CHRM3: variants seen among roughly 807,000 people sequenced by gnomAD.
The protein encoded by CHRM3 is cholinergic receptor muscarinic 3, also known as muscarinic acetylcholine receptor M3.
A neutral mutation model predicts 41.8 loss-of-function variants in CHRM3; 11 were observed. The observed-to-expected ratio is 0.26, with a 90% CI of 0.17 to 0.44. The LOEUF (loss-of-function observed/expected upper bound fraction) is 0.44, where lower values mean the gene tolerates loss of function less well. Among genes scored for constraint, CHRM3 ranks in the 20% least tolerant of loss-of-function variants. CHRM3 has a pLI of 1.00. For synonymous variants in CHRM3, 297 were observed against 301.4 expected, an observed-to-expected ratio of 0.99 and a Z score of 0.15; for missense variants, 571 against 745.4, an observed-to-expected ratio of 0.77 and a Z score of 2.72.
intron 4 of CHRM3, among the ~76,000 whole-genome samples, chr1:239,637,802 C>A (rs1670647306): frequency 6.7e-6 from 1 of 148,254 alleles, no homozygotes; most frequent in African/African-American, 2.5e-5. Flanking sequence ...TTTTAGGGTA[C>A]ATGTGCACAA....
intron 4 of CHRM3, among the ~76,000 whole-genome samples, chr1:239,659,774 T>C (rs1316323079): frequency 5.3e-5 from 8 of 152,182 alleles, no homozygotes; most frequent in Admixed American, 2.0e-4. Context: ...CATTCCAACA[T>C]GTATAGAGGA....
rs1164087434 is a variant in CHRM3, at chr1:239,912,117, A to G, written c.*2893A>G. On this transcript the variant is annotated 3_prime_UTR_variant, in exon 7 of 7. Coordinates refer to ENST00000676153, the MANE Select transcript of CHRM3 (RefSeq NM_001375978.1). ...TGATCAAACCTAAAATAAACTACAC[A>G]TGGAGAATCTCTCTCTCTCTCTCTG... is the stretch of plus-strand genomic sequence containing the variant. 1 of 167,012 alleles carries G rather than the reference A, an allele frequency of 6.0e-6. No individual in the cohort carries two copies. Among genetic ancestry groups the G allele is most frequent in the Non-Finnish European group, 1.5e-5 (1 of 68,118 alleles). The allele number at this position is 167,012 out of a possible 1,614,324, so 10.3% of individuals were successfully genotyped here.
chr1:239,820,165 A>C (rs1237909397), intron 5 of CHRM3, among the ~76,000 whole-genome samples: 1 of 152,214 alleles, frequency 6.6e-6, no homozygotes, highest in African/African-American at 2.4e-5. Flanking sequence ...ATGGGAAAAA[A>C]GTCTTTATAC....
At chr1:239,813,928 A>AAAAAAAAAAAAAAAC (rs1558146322) in intron 5 of CHRM3, among the ~76,000 whole-genome samples, 2 of 147,204 alleles carry the variant, frequency 1.4e-5, no homozygotes, top group African/African-American at 5.4e-5. Context: ...AAAAAAAAAA[A>AAAAAAAAAAAAAAAC]AAAAAACTCA....
At chr1:239,500,690 G>A (rs1157528017) in intron 2 of CHRM3, among the ~76,000 whole-genome samples, 12 of 148,694 alleles carry the variant, frequency 8.1e-5, no homozygotes, top group Admixed American at 2.0e-4. Context: ...AAAAATACAT[G>A]TTAAAAAGAA....
intron 2 of CHRM3, among the ~76,000 whole-genome samples, chr1:239,498,718 T>C (rs1668036289): frequency 6.6e-6 from 1 of 152,202 alleles, no homozygotes; most frequent in African/African-American, 2.4e-5. Flanking sequence ...TGATATACTT[T>C]TGTGTGTAAA....
At chr1:239,797,363 C>A (rs1235390286) in intron 5 of CHRM3, among the ~76,000 whole-genome samples, 1 of 150,548 alleles carries the variant, frequency 6.6e-6, no homozygotes, top group East Asian at 1.9e-4. Context: ...AAATGAAAAT[C>A]TCTATAATAC....
intron 1 of CHRM3, among the ~76,000 whole-genome samples, chr1:239,397,436 G>A (rs1386720789): frequency 6.6e-6 from 1 of 152,010 alleles, no homozygotes; most frequent in East Asian, 1.9e-4. Flanking sequence ...ACTTTGGGAG[G>A]TCGAGATGGG....
intron 3 of CHRM3, among the ~76,000 whole-genome samples, chr1:239,593,298 A>C (rs374886920): frequency 6.6e-6 from 1 of 151,930 alleles, no homozygotes; most frequent in African/African-American, 2.4e-5. Context: ...TTTTTTCCTC[A>C]TCAGACACTG....
intron 4 of CHRM3, among the ~76,000 whole-genome samples, chr1:239,671,628 G>A (rs965132810): frequency 2.0e-5 from 3 of 151,876 alleles, no homozygotes; most frequent in Non-Finnish European, 4.4e-5. Flanking sequence ...CCACAGTTAT[G>A]CACTGCCTGT....
chr1:239,660,848 T>G (rs1673132818), intron 4 of CHRM3, among the ~76,000 whole-genome samples: 3 of 152,276 alleles, frequency 2.0e-5, no homozygotes, highest in Middle Eastern at 3.4e-3. Flanking sequence ...GCCACCACAC[T>G]CCAGCCTGGG....
chr1:239,404,742 A>ATATATATATATATATATATATATG (rs1660456979), intron 1 of CHRM3, among the ~76,000 whole-genome samples: 3 of 144,172 alleles, frequency 2.1e-5, no homozygotes, highest in African/African-American at 7.5e-5. Context: ...ATATATATAT[A>ATATATATATATATATATATATATG]TATATATATA....
intron 6 of CHRM3, among the ~76,000 whole-genome samples, chr1:239,904,032 T>C (rs998430202): frequency 6.6e-6 from 1 of 152,098 alleles, no homozygotes; most frequent in African/African-American, 2.4e-5. Context: ...CAAATATGAA[T>C]ATAGCATCGG....
chr1:239,792,707 T>C (rs1669449972), intron 5 of CHRM3, among the ~76,000 whole-genome samples: 1 of 152,198 alleles, frequency 6.6e-6, no homozygotes, highest in Non-Finnish European at 1.5e-5. Context: ...TTTAAATTGG[T>C]AAAGTTCAGA....
intron 5 of CHRM3, among the ~76,000 whole-genome samples, chr1:239,780,616 A>G (rs1459830498): frequency 6.6e-6 from 1 of 152,180 alleles, no homozygotes; most frequent in Non-Finnish European, 1.5e-5. Flanking sequence ...CATTTTAATG[A>G]AGTCCCGCTT....
intron 1 of CHRM3, among the ~76,000 whole-genome samples, chr1:239,473,853 G>C (rs1666296138): frequency 6.7e-6 from 1 of 149,012 alleles, no homozygotes; most frequent in Non-Finnish European, 1.5e-5. Context: ...TGTATACACA[G>C]AGTTGTAGTA....
At chr1:239,743,921 G>T (rs1288474906) in intron 5 of CHRM3, among the ~76,000 whole-genome samples, 1 of 145,152 alleles carries the variant, frequency 6.9e-6, no homozygotes, top group East Asian at 2.1e-4. Context: ...CTTCCAAACA[G>T]CTAGGACGGA....
At chr1:239,403,976 G>GAGAGAGA (rs1660203316) in intron 1 of CHRM3, among the ~76,000 whole-genome samples, 8 of 46,506 alleles carry the variant, frequency 1.7e-4, no homozygotes, top group African/African-American at 6.5e-4. Flanking sequence ...AGAGGGAGGG[G>GAGAGAGA]GAGAGAGAGA....
intron 5 of CHRM3, among the ~76,000 whole-genome samples, chr1:239,711,404 G>C (rs1200258914): frequency 6.6e-6 from 1 of 151,850 alleles, no homozygotes; most frequent in Non-Finnish European, 1.5e-5. Context: ...GTTCAATAAT[G>C]CTTGGCCACC....
Sources: gnomAD v4.1 joint callset for allele counts (sites outside exome capture counted in the v4.1 genomes callset) on GRCh38, gnomAD v4.1.1 for gene constraint, MANE v1.5 for transcripts, NCBI Gene and HGNC (gene_info 2026-07-23, HGNC 2026-07-21) for gene names.